USP36: variants seen among roughly 807,000 people sequenced by gnomAD.
USP36 encodes the protein ubiquitin carboxyl-terminal hydrolase 36.
Under a neutral mutation model 111.5 loss-of-function variants are expected in USP36, and 59 were observed. The ratio of observed to expected loss-of-function variants is 0.53; its 90% CI spans 0.43 to 0.66. The LOEUF is 0.66. Among genes scored for constraint, USP36 ranks in the 30% least tolerant of loss-of-function variants. The pLI is 0.00. For missense variants in USP36, 1,488 were observed against 1,468.0 expected, an observed-to-expected ratio of 1.01 and a Z score of -0.22; for synonymous variants, 628 against 581.0, an observed-to-expected ratio of 1.08 and a Z score of -1.16.
chr17:78,807,705 G>A (rs971341897), intron 13 of USP36, 69 bp from the exon 14 acceptor site: 5 of 1,439,828 alleles, frequency 3.5e-6, no homozygotes, highest in Non-Finnish European at 4.6e-6. Context: ...ATCTTCTTAA[G>A]GCCACAGTGA....
At chr17:78,831,060 A>G (rs1432977156) in intron 4 of USP36, among the ~76,000 whole-genome samples, 1 of 151,250 alleles carries the variant, frequency 6.6e-6, no homozygotes, top group Non-Finnish European at 1.5e-5. Flanking sequence ...CCCCGTCTCT[A>G]CTACAAATAC....
At chr17:78,801,188 G>A (rs929677046) in intron 17 of USP36, among the ~76,000 whole-genome samples, 14 of 152,134 alleles carry the variant, frequency 9.2e-5, no homozygotes, top group Admixed American at 5.9e-4. Context: ...GTGTCAGCCA[G>A]GATGGTCTCG....
rs2093657358 is a variant in USP36, at chr17:78,798,121, G to A, written c.*21-242C>T. ...AGAACACATGCCACAGATGCCAGGT[G>A]TACACACCCCACACCCAACACACAC... On this transcript the variant is annotated intron_variant, in intron 20 of 20. Transcript: ENST00000449938. The surrounding 1 kb of genome is among the most constrained non-coding windows in gnomAD (Gnocchi z 5.1). 1 of 413,684 alleles carries A rather than the reference G, an allele frequency of 2.4e-6. No individual in the cohort carries two copies. The allele number at this position is 413,684 out of a possible 1,614,324, so 25.6% of individuals were successfully genotyped here.
At position 78,807,194 on chromosome 17, in the gene USP36, T is replaced by C; in HGVS notation, c.1850A>G (p.His617Arg). 1.9e-6 allele frequency: 3 copies of C among 1,614,040 alleles called. No individual in the cohort carries two copies. The highest frequency in any genetic ancestry group is 1.7e-5 in the Admixed American group (1 of 60,002). Reference protein sequence around the residue: ...RRGSSSSSPEHSASSDSTKAP... With the variant: ...RRGSSSSSPERSASSDSTKAP... ...CTTGGTGGAGTCGCTGCTGGCCGAGTGCTCTGGGCTGGAGCTGCTGGAGCC... is the reference window on the plus strand; with the variant it reads ...CTTGGTGGAGTCGCTGCTGGCCGAGCGCTCTGGGCTGGAGCTGCTGGAGCC... The change falls in exon 14 of 21, where the codon CAC becomes CGC. Residue 617 changes from histidine (H) to arginine (R), a missense_variant. By Grantham distance (29) the His-to-Arg change is conservative. Transcript: ENST00000449938.
At chr17:78,816,118 T>C (rs2094182085) in intron 10 of USP36, among the ~76,000 whole-genome samples, 1 of 152,122 alleles carries the variant, frequency 6.6e-6, no homozygotes, top group Non-Finnish European at 1.5e-5. Context: ...CTGGGTCATA[T>C]ACAGACGTGT....
Position 78,814,461 on chromosome 17 carries a change from A to C in USP36, c.1115T>G (p.Val372Gly). ...PVMYGLYAVL[V>G]HSGYSCHAGH... is the part of the protein sequence containing the mutation. ...GGCATGGCAGCTGTAGCCCGAGTGC[A>C]CCAGGACAGCATAGAGTCCATACAT... is the stretch of plus-strand genomic sequence containing the variant. The change falls in exon 11 of 21, where the codon GTG (valine) becomes GGG (glycine). Residue 372 changes from valine (V) to glycine (G), a missense_variant. Around this residue, in one of 3 missense-constraint regions of USP36, gnomAD observed 1,073 missense variants for 994.1 expected, o/e 1.08. Coordinates refer to ENST00000449938, the MANE Select transcript of USP36 (RefSeq NM_001385174.1). 1 of 1,614,206 alleles carries C rather than the reference A, an allele frequency of 6.2e-7. No individual in the cohort carries two copies. The highest frequency in any genetic ancestry group is 8.5e-7 in the Non-Finnish European group (1 of 1,180,036).
chr17:78,799,570 G>C (rs1441016904), intron 18 of USP36, 97 bp downstream of exon 18: 1 of 1,114,204 alleles, frequency 9.0e-7, no homozygotes, highest in African/African-American at 1.6e-5. Flanking sequence ...ATGCCCGCCC[G>C]CCACACTCAC....
Position 78,836,241 on chromosome 17 carries a change from C to A in USP36, c.123G>T (p.Glu41Asp). ...SAKKVLLQKI[E>D]FEPASKSFSY... ...AGAAGCTCTTGCTGGCTGGCTCGAA[C>A]TCGATTTTCTGTAAAAGGACCTTCT... The change falls in exon 3 of 21, where the codon GAG becomes GAT. Residue 41 changes from glutamate to aspartate, a missense_variant. Glu to Asp is a conservative substitution (Grantham distance 45). This residue lies in a region of USP36 where 219 missense variants were observed against 209.5 expected (regional missense o/e 1.05). Coordinates refer to ENST00000449938, the MANE Select transcript of USP36 (RefSeq NM_001385174.1). 1 of 1,614,150 alleles carries A rather than the reference C, an allele frequency of 6.2e-7. No individual in the cohort carries two copies. Among genetic ancestry groups the A allele is most frequent in the Admixed American group, 1.7e-5 (1 of 60,008 alleles).
chr17:78,815,890 A>ACACATACATGCACGCACAC (rs1491254430), intron 10 of USP36, among the ~76,000 whole-genome samples: 2 of 152,154 alleles, frequency 1.3e-5, no homozygotes, highest in African/African-American at 4.8e-5. Context: ...TACATGCACA[A>ACACATACATGCACGCACAC]CACATACATG....
intron 10 of USP36, among the ~76,000 whole-genome samples, chr17:78,817,798 A>T (rs1157465475): frequency 3.3e-5 from 5 of 151,966 alleles, no homozygotes; most frequent in African/African-American, 1.2e-4. Flanking sequence ...ATGCCACTAT[A>T]GGCCAGGTAT....
Position 78,796,285 on chromosome 17 carries a change from A to C in USP36, c.*1615T>G, listed in dbSNP as rs2093627655. On this transcript the variant is annotated 3_prime_UTR_variant, in exon 21 of 21. Coordinates refer to ENST00000449938, the MANE Select transcript of USP36 (RefSeq NM_001385174.1). ...GAGGGAACAGTTCACACAGGAATGC[A>C]AGTCAACACCCCGAGAAGAAAAGGA... 6.6e-6 allele frequency: 1 copy of C among 152,220 alleles called. No individual in the cohort carries two copies. The highest frequency in any genetic ancestry group is 2.1e-4 in the South Asian group (1 of 4,826). 9.4% of individuals were successfully genotyped at this position (152,220 alleles called of 1,614,324 possible).
chr17:78,804,166 T>G (rs530758906), intron 15 of USP36, among the ~76,000 whole-genome samples, 188 bp from the exon 16 acceptor site: 1 of 152,242 alleles, frequency 6.6e-6, no homozygotes, highest in South Asian at 2.1e-4. Flanking sequence ...CAACATCTAT[T>G]TAAATGCAAA....
At chr17:78,799,527 T>G in intron 18 of USP36, 140 bp downstream of exon 18, 42 of 744,886 alleles carry the variant, frequency 5.6e-5, no homozygotes, top group Non-Finnish European at 6.9e-5. Context: ...CAGCCAGTGT[T>G]GAGATTCCTC....
chr17:78,819,550 C>T (rs111864724), intron 9 of USP36, among the ~76,000 whole-genome samples: 3 of 152,238 alleles, frequency 2.0e-5, no homozygotes, highest in African/African-American at 4.8e-5. Flanking sequence ...GTCCCTGGGG[C>T]GGCCGCCCGG....
At position 78,827,488 on chromosome 17, in the gene USP36, A is replaced by C. The variant is rs908183231; in HGVS notation, c.587-141T>G. 9.2e-5 allele frequency: 68 copies of C among 737,536 alleles called. 1 individual carries two copies. The Middle Eastern group carries it at 2.9e-3, about 31-fold the overall frequency. The allele number at this position is 737,536 out of a possible 1,614,324, so 45.7% of individuals were successfully genotyped here. A position where few individuals can be genotyped will look rare whatever the true frequency, so the allele number is the denominator to read the frequency against. On this transcript the variant is annotated intron_variant, in intron 5 of 20. Transcript: ENST00000449938. ...CAAAGGAACAAGTGAGGAAAACAAGAGCTCTACATGGATTTTCTATATCCC... is the reference window on the plus strand; with the variant it reads ...CAAAGGAACAAGTGAGGAAAACAAGCGCTCTACATGGATTTTCTATATCCC...
intron 6 of USP36, among the ~76,000 whole-genome samples, chr17:78,822,767 AC>A (rs1428587727): frequency 6.6e-6 from 1 of 152,108 alleles, no homozygotes; most frequent in Non-Finnish European, 1.5e-5. Context: ...TCTACTTGCA[AC>A]CCACTGCATC....
At chr17:78,806,054 T>C in intron 15 of USP36, 102 bp downstream of exon 15, 1 of 1,580,784 alleles carries the variant, frequency 6.3e-7, no homozygotes, top group Admixed American at 1.9e-5. Flanking sequence ...ATGCTTTGTC[T>C]GTCCTGTGAG....
chr17:78,806,810 T>C, intron 14 of USP36, 149 bp downstream of exon 14: 1 of 1,141,570 alleles, frequency 8.8e-7, no homozygotes, highest in Non-Finnish European at 1.2e-6. Context: ...TAATTGCAAA[T>C]GGCTGGGAAC....
chr17:78,798,169 C>G lies in USP36; in HGVS notation c.*20+231G>C. On this transcript the variant is annotated intron_variant, in intron 20 of 20. Transcript: ENST00000449938. The surrounding 1 kb of genome is among the most constrained non-coding windows in gnomAD (Gnocchi z 5.1). ...CACTACACACACCCCCTTATACACA[C>G]GCATCCCACACACACCCCCTTATAC... 1 of 561,672 alleles carries G rather than the reference C, an allele frequency of 1.8e-6. No homozygotes were observed. Among genetic ancestry groups the G allele is most frequent in the Non-Finnish European group, 3.1e-6 (1 of 317,560 alleles). The allele number at this position is 561,672 out of a possible 1,614,324, so 34.8% of individuals were successfully genotyped here. A position where few individuals can be genotyped will look rare whatever the true frequency, so the allele number is the denominator to read the frequency against.
Sources: allele counts gnomAD v4.1 joint callset (sites outside exome capture counted in the v4.1 genomes callset), GRCh38; gene constraint gnomAD v4.1.1; regional missense constraint gnomAD v4.1.1; non-coding constraint Gnocchi (gnomAD v3.1); transcripts MANE v1.5; gene names NCBI Gene and HGNC (gene_info 2026-07-23, HGNC 2026-07-21).